The following KIAA1217 variants were observed in gnomAD, a reference collection of about 807,000 sequenced individuals.
KIAA1217 encodes the protein sickle tail protein homolog.
KIAA1217 carries 88 observed loss-of-function variants against 163.9 expected under a neutral mutation model. The ratio of observed to expected loss-of-function variants is 0.54; its 90% CI spans 0.45 to 0.64. KIAA1217 has a LOEUF of 0.64. Ranked by LOEUF, KIAA1217 falls within the 30% of genes least tolerant of loss-of-function variation. The probability of loss-of-function intolerance (pLI) is 0.00; values close to 1 mark genes in which losing one functional copy is unlikely to be tolerated. For missense variants in KIAA1217, 2,372 were observed against 2,475.0 expected (o/e 0.96, Z 0.88); for synonymous variants, 903 against 923.1 (o/e 0.98, Z 0.39).
At chr10:24,358,048 A>G (rs753152721) in intron 2 of KIAA1217, among the ~76,000 whole-genome samples, 60 of 152,374 alleles carry the variant, frequency 3.9e-4, no homozygotes, top group Non-Finnish European at 6.9e-4. Flanking sequence ...GCACAGAGCC[A>G]AGACTCCCAA....
intron 1 of KIAA1217, among the ~76,000 whole-genome samples, chr10:23,817,050 T>C (rs907930437): frequency 6.6e-6 from 1 of 152,226 alleles, no homozygotes; most frequent in Non-Finnish European, 1.5e-5. Flanking sequence ...ATCCGCATAG[T>C]TGGAAAGTAA....
intron 2 of KIAA1217, among the ~76,000 whole-genome samples, chr10:24,256,472 A>T (rs2131615968): frequency 6.6e-6 from 1 of 152,318 alleles, no homozygotes; most frequent in East Asian, 1.9e-4. Flanking sequence ...AAGGCTTGCT[A>T]TCTGATGCCT....
At chr10:24,254,240 T>A (rs939546241) in intron 2 of KIAA1217, among the ~76,000 whole-genome samples, 1 of 152,216 alleles carries the variant, frequency 6.6e-6, no homozygotes, top group Non-Finnish European at 1.5e-5. Flanking sequence ...ACTGATGCCC[T>A]TAACACCGGG....
At chr10:24,189,164 A>C (rs1341701963) in intron 2 of KIAA1217, among the ~76,000 whole-genome samples, 1 of 151,892 alleles carries the variant, frequency 6.6e-6, no homozygotes, top group African/African-American at 2.4e-5. Flanking sequence ...GAATCTGGGG[A>C]TGATGATAGT....
chr10:23,855,646 C>G (rs1210226723), intron 1 of KIAA1217, among the ~76,000 whole-genome samples: 1 of 152,214 alleles, frequency 6.6e-6, no homozygotes, highest in Non-Finnish European at 1.5e-5. Context: ...CTTTCAGGTA[C>G]ACCAATCAGA....
chr10:24,099,831 C>T (rs1200002575), intron 2 of KIAA1217, among the ~76,000 whole-genome samples: 1 of 147,256 alleles, frequency 6.8e-6, no homozygotes, highest in Non-Finnish European at 1.5e-5. Flanking sequence ...TGAGTGAGAA[C>T]ATGTGGTGTT....
intron 1 of KIAA1217, among the ~76,000 whole-genome samples, chr10:23,751,048 T>C (rs1286094324): frequency 6.6e-6 from 1 of 151,388 alleles, no homozygotes; most frequent in Non-Finnish European, 1.5e-5. Flanking sequence ...TTTTTTTGGA[T>C]ACAGAGCCTT....
chr10:23,794,960 G>GC (rs1836129227), intron 1 of KIAA1217, among the ~76,000 whole-genome samples: 1 of 152,164 alleles, frequency 6.6e-6, no homozygotes, highest in African/African-American at 2.4e-5. Flanking sequence ...AGCTTGTGAT[G>GC]CCCCAAAGTC....
intron 1 of KIAA1217, among the ~76,000 whole-genome samples, chr10:23,916,068 C>T (rs1383742336): frequency 6.6e-6 from 1 of 152,172 alleles, no homozygotes; most frequent in Non-Finnish European, 1.5e-5. Flanking sequence ...CTATCTGTCA[C>T]TTTAAAATAT....
At chr10:24,532,305 CA>C (rs1451918403) in intron 15 of KIAA1217, among the ~76,000 whole-genome samples, 1 of 152,148 alleles carries the variant, frequency 6.6e-6, no homozygotes, top group Non-Finnish European at 1.5e-5. Context: ...GATTATCTTC[CA>C]AAGGTAACTG....
At chr10:24,013,203 G>A (rs1487765934) in intron 2 of KIAA1217, among the ~76,000 whole-genome samples, 1 of 151,994 alleles carries the variant, frequency 6.6e-6, no homozygotes, top group African/African-American at 2.4e-5. Context: ...GTACCGTCCA[G>A]TGTATCTAAG....
intron 1 of KIAA1217, among the ~76,000 whole-genome samples, chr10:23,723,295 GCT>G (rs1366740824): frequency 6.6e-6 from 1 of 152,066 alleles, no homozygotes; most frequent in African/African-American, 2.4e-5. Flanking sequence ...AGCTTCTCTA[GCT>G]CTCTTTGTCA....
intron 2 of KIAA1217, among the ~76,000 whole-genome samples, chr10:24,221,057 G>A (rs562634801): frequency 1.0e-3 from 159 of 151,976 alleles, no homozygotes; most frequent in Non-Finnish European, 1.9e-3. Flanking sequence ...CACTGTGCCT[G>A]GCATTTTTTT....
At chr10:23,972,700 A>G (rs1845367274) in intron 1 of KIAA1217, among the ~76,000 whole-genome samples, 1 of 152,194 alleles carries the variant, frequency 6.6e-6, no homozygotes, top group South Asian at 2.1e-4. Flanking sequence ...AAGACATGGA[A>G]CCAACCCAAA....
chr10:24,203,809 T>C (rs1319050183), upstream of KIAA1217, among the ~76,000 whole-genome samples: 1 of 152,078 alleles, frequency 6.6e-6, no homozygotes, highest in Non-Finnish European at 1.5e-5. Context: ...CCCTCTGGGA[T>C]AAAAGGGGTG....
intron 2 of KIAA1217, among the ~76,000 whole-genome samples, chr10:24,200,925 G>C (rs61850372): frequency 0.072 from 10,902 of 152,148 alleles, 537 homozygotes; most frequent in Non-Finnish European, 0.11. Flanking sequence ...GTTGGGTGAA[G>C]GTATGTGCAG....
intron 2 of KIAA1217, among the ~76,000 whole-genome samples, chr10:24,041,939 G>C (rs1328244324): frequency 6.7e-6 from 1 of 149,800 alleles, no homozygotes; most frequent in Admixed American, 6.6e-5. Flanking sequence ...ATGCAAGGGA[G>C]TATCGTGTGT....
chr10:24,183,881 C>T (rs1266001561), intron 2 of KIAA1217, among the ~76,000 whole-genome samples: 1 of 152,206 alleles, frequency 6.6e-6, no homozygotes, highest in Non-Finnish European at 1.5e-5. Flanking sequence ...ACTGCCAGGT[C>T]TCTTCAAATC....
intron 2 of KIAA1217, among the ~76,000 whole-genome samples, chr10:24,255,963 A>G (rs562474076): frequency 1.9e-4 from 29 of 151,796 alleles, no homozygotes; most frequent in Non-Finnish European, 3.7e-4. Flanking sequence ...GGGCTCTGAA[A>G]GAATGAGTGT....
Sources: gnomAD v4.1 joint callset for allele counts (sites outside exome capture counted in the v4.1 genomes callset) on GRCh38, gnomAD v4.1.1 for gene constraint, MANE v1.5 for transcripts, NCBI Gene and HGNC (gene_info 2026-07-23, HGNC 2026-07-21) for gene names.